STX18: variants seen among roughly 807,000 people sequenced by gnomAD.
The protein encoded by STX18 is syntaxin-18.
A neutral mutation model predicts 50.1 loss-of-function variants in STX18; 40 were observed. The ratio of observed to expected loss-of-function variants is 0.80; its 90% CI spans 0.62 to 1.04. STX18 has a LOEUF of 1.04. Among genes scored for constraint, STX18 ranks in the 50% least tolerant of loss-of-function variants. The pLI is 0.00. For missense variants in STX18, 410 were observed against 415.8 expected (o/e 0.99, Z 0.12); for synonymous variants, 158 against 151.8 (o/e 1.04, Z -0.30).
Position 4,434,854 on chromosome 4 carries a change from T to C in STX18, c.618A>G (p.Lys206=), listed in dbSNP as rs975916073. Residue 206 remains lysine, a synonymous_variant, in exon 7 of 11, where the codon AAA becomes AAG. Coordinates refer to ENST00000306200, the MANE Select transcript of STX18 (RefSeq NM_016930.4). ...ENPATEERPE[K]ILAETQPELG... is the part of the protein sequence containing the mutation. ...ATTCAGGTTGTGTTTCAGCCAAAAT[T>C]TTTTCTGTTAAAAAAAAAATTGAAA... is the stretch of plus-strand genomic sequence containing the variant. 1 of 1,599,346 alleles carries C rather than the reference T, an allele frequency of 6.3e-7. No individual in the cohort carries two copies. The highest frequency in any genetic ancestry group is 1.4e-5 in the African/African-American group (1 of 73,990).
intron 2 of STX18, among the ~76,000 whole-genome samples, chr4:4,468,483 C>A (rs926099336): frequency 6.6e-6 from 1 of 152,066 alleles, no homozygotes; most frequent in East Asian, 1.9e-4. Context: ...AGACCTAGTA[C>A]GCAGCATCGC....
intron 1 of STX18, chr4:4,507,644 G>C: frequency 1.3e-6 from 1 of 775,472 alleles, no homozygotes. Flanking sequence ...ACGTGAACTG[G>C]ATGGCAGCCG....
intron 1 of STX18, among the ~76,000 whole-genome samples, chr4:4,501,763 T>G (rs1729473096): frequency 6.6e-6 from 1 of 152,220 alleles, no homozygotes; most frequent in Non-Finnish European, 1.5e-5. Flanking sequence ...TAAATACGAA[T>G]GCCATACTGT....
chr4:4,541,459 G>C (rs144703687), intron 1 of STX18, among the ~76,000 whole-genome samples: 3 of 152,262 alleles, frequency 2.0e-5, no homozygotes, highest in African/African-American at 7.2e-5. Flanking sequence ...CTGTCAGGAG[G>C]TTTCCCCTGA....
At chr4:4,516,204 CA>C (rs1378923469) in intron 1 of STX18, among the ~76,000 whole-genome samples, 2 of 152,076 alleles carry the variant, frequency 1.3e-5, no homozygotes, top group African/African-American at 4.8e-5. Flanking sequence ...CTGTACATTT[CA>C]GGGGGAAAAA....
chr4:4,485,518 A>C (rs1248999289), intron 1 of STX18, among the ~76,000 whole-genome samples: 1 of 152,182 alleles, frequency 6.6e-6, no homozygotes, highest in East Asian at 1.9e-4. Context: ...AATCAGAGGA[A>C]GTGGCTGGTT....
At chr4:4,489,019 A>G (rs181847703) in intron 1 of STX18, among the ~76,000 whole-genome samples, 24 of 152,286 alleles carry the variant, frequency 1.6e-4, no homozygotes, top group African/African-American at 5.1e-4. Context: ...TCAAACCCCA[A>G]AAGTAGAAAT....
chr4:4,539,749 A>G (rs1322948497), intron 1 of STX18, among the ~76,000 whole-genome samples: 1 of 152,186 alleles, frequency 6.6e-6, no homozygotes, highest in Non-Finnish European at 1.5e-5. Flanking sequence ...GTGACAGGGA[A>G]CTCAGCACCC....
intron 7 of STX18, chr4:4,425,427 T>G (rs1164084940): frequency 3.3e-6 from 2 of 606,998 alleles, no homozygotes; most frequent in East Asian, 5.5e-5. Flanking sequence ...ACAGCTGTGC[T>G]GCCTGGTAAT....
intron 5 of STX18, among the ~76,000 whole-genome samples, chr4:4,442,165 C>A (rs1188867458): frequency 6.6e-6 from 1 of 152,148 alleles, no homozygotes; most frequent in Non-Finnish European, 1.5e-5. Flanking sequence ...GACTCAACTG[C>A]ATATATGTAT....
intron 7 of STX18, 33 bp from the exon 8 acceptor site, chr4:4,425,255 C>G: frequency 6.3e-7 from 1 of 1,594,510 alleles, no homozygotes; most frequent in African/African-American, 1.3e-5. Context: ...AGGATGACAT[C>G]ATACTGAACT....
rs1724859685 is a variant in STX18, at chr4:4,420,237, A to G, written c.913-108T>C. The G allele has an allele frequency of 2.4e-6, 2 of 827,434 alleles. No individual in the cohort carries two copies. Among genetic ancestry groups the G allele is most frequent in the South Asian group, 3.2e-5 (2 of 63,278 alleles). 51.3% of individuals were successfully genotyped at this position (827,434 alleles called of 1,614,324 possible). A position where few individuals can be genotyped will look rare whatever the true frequency, so the allele number is the denominator to read the frequency against. On this transcript the variant is annotated intron_variant, in intron 10 of 10. Transcript: ENST00000306200. This position sits in a 1 kb window ranked among gnomAD's most constrained non-coding sequence, Gnocchi z 4.3. ...TGCTCTCCTGATCCTGGCTGTAACT[A>G]TGGGTGTCGTTCCATCTGTGCTTAC...
intron 1 of STX18, among the ~76,000 whole-genome samples, chr4:4,517,069 G>C (rs1730301819): frequency 6.6e-6 from 1 of 152,126 alleles, no homozygotes; most frequent in Non-Finnish European, 1.5e-5. Context: ...ACAGAAAGTT[G>C]GTTCTCAGGC....
rs565383326 is a variant in STX18, at chr4:4,472,076, T to G, written c.169-370A>C. Among the ~76,000 whole-genome samples the G allele has an allele frequency of 1.2e-3, 179 of 152,344 alleles. 1 individual carries two copies. Among genetic ancestry groups the G allele is most frequent in the South Asian group, 7.2e-3 (35 of 4,830 alleles). ...AGCAAGTATTCCTTCTTCCAAGTGT[T>G]CTAAGGGACAGTTCTAAAGCTGAAG... is the stretch of plus-strand genomic sequence containing the variant. On this transcript the variant is annotated intron_variant, in intron 1 of 10. Transcript: ENST00000306200.
intron 8 of STX18, among the ~76,000 whole-genome samples, chr4:4,424,064 C>T (rs1332280924): frequency 6.6e-6 from 1 of 152,130 alleles, no homozygotes; most frequent in Non-Finnish European, 1.5e-5. Flanking sequence ...TATTTACCTT[C>T]AAACCAACTC....
intron 5 of STX18, among the ~76,000 whole-genome samples, chr4:4,456,242 G>A (rs762220655): frequency 6.6e-6 from 1 of 151,618 alleles, no homozygotes; most frequent in Non-Finnish European, 1.5e-5. Context: ...TGGGAGACAG[G>A]GTGAGACCCT....
chr4:4,502,873 C>T (rs949995669), intron 1 of STX18, among the ~76,000 whole-genome samples: 4 of 152,178 alleles, frequency 2.6e-5, no homozygotes, highest in Admixed American at 2.6e-4. Context: ...GATGCAATCT[C>T]CTCCTACTTC....
chr4:4,480,929 C>T lies in STX18; in HGVS notation c.169-9223G>A, dbSNP rs141890722. On this transcript the variant is annotated intron_variant, in intron 1 of 10. Transcript: ENST00000306200. ...TGAAATGAGATTGTTTTTAAGCATA[C>T]ATATGCACTACAGATGAGTTGAGTC... is the stretch of plus-strand genomic sequence containing the variant. Among the ~76,000 whole-genome samples the T allele has an allele frequency of 6.4e-3, 981 of 152,326 alleles. 7 individuals are homozygous for T. The highest frequency in any genetic ancestry group is 0.011 in the Non-Finnish European group (761 of 68,036).
chr4:4,491,526 C>T (rs1165668336), intron 1 of STX18, among the ~76,000 whole-genome samples: 1 of 151,994 alleles, frequency 6.6e-6, no homozygotes, highest in African/African-American at 2.4e-5. Flanking sequence ...AAACCTTTAA[C>T]CTGGGAACAA....
Sources: gnomAD v4.1 joint callset for allele counts (sites outside exome capture counted in the v4.1 genomes callset) on GRCh38, gnomAD v4.1.1 for gene constraint, Gnocchi (gnomAD v3.1) non-coding constraint, MANE v1.5 for transcripts, NCBI Gene and HGNC (gene_info 2026-07-23, HGNC 2026-07-21) for gene names.